NFIB: variants seen among roughly 807,000 people sequenced by gnomAD.
NFIB encodes the protein nuclear factor 1 B-type.
In NFIB, 11 loss-of-function variants were observed where a neutral mutation model predicts 61.5. The observed-to-expected ratio is 0.18, with a 90% confidence interval of 0.11 to 0.30. NFIB has a LOEUF of 0.30. Ranked by LOEUF, NFIB falls within the 10% of genes least tolerant of loss-of-function variation. The pLI is 1.00. For synonymous variants in NFIB, 260 were observed against 216.5 expected, an observed-to-expected ratio of 1.20 and a Z score of -1.76; for missense variants, 471 against 608.9, an observed-to-expected ratio of 0.77 and a Z score of 2.38.
the NFIB span, among the ~76,000 whole-genome samples, chr9:14,442,510 C>G: frequency 6.6e-6 from 1 of 152,130 alleles, no homozygotes; most frequent in Admixed American, 6.5e-5. Context: ...GATCGCCTCA[C>G]AGTTCTAGAG....
chr9:14,382,532 C>T (rs1480598724), intron 1 of NFIB, among the ~76,000 whole-genome samples: 1 of 151,914 alleles, frequency 6.6e-6, no homozygotes, highest in African/African-American at 2.4e-5. Flanking sequence ...GACATGCAGC[C>T]TGGCTCAATA....
At chr9:14,104,651 G>A (rs1000407725) in intron 10 of NFIB, among the ~76,000 whole-genome samples, 1 of 151,650 alleles carries the variant, frequency 6.6e-6, no homozygotes, top group Non-Finnish European at 1.5e-5. Context: ...TACGATCATG[G>A]TTCACTGCAG....
At chr9:14,363,200 C>T (rs7871482) in intron 1 of NFIB, among the ~76,000 whole-genome samples, 41,155 of 151,884 alleles carry the variant, frequency 0.27, 6,610 homozygotes, top group African/African-American at 0.45. Flanking sequence ...TTGTCTTTTA[C>T]GGACACTCCC....
chr9:14,285,250 G>C (rs904700388), intron 2 of NFIB, among the ~76,000 whole-genome samples: 2 of 152,136 alleles, frequency 1.3e-5, no homozygotes, highest in African/African-American at 4.8e-5. Flanking sequence ...AGCCTCCTGA[G>C]TAGCTGGGAT....
intron 1 of NFIB, among the ~76,000 whole-genome samples, chr9:14,373,429 T>C (rs1392825443): frequency 1.3e-5 from 2 of 152,258 alleles, no homozygotes; most frequent in African/African-American, 2.4e-5. Context: ...GGTATATTTA[T>C]GATTTACATC....
At chr9:14,400,553 G>A (rs990094030), upstream of NFIB, among the ~76,000 whole-genome samples, 1 of 152,122 alleles carries the variant, frequency 6.6e-6, no homozygotes, top group Non-Finnish European at 1.5e-5. Flanking sequence ...CTCAAGTTAA[G>A]CCACCAGCTA....
intron 2 of NFIB, among the ~76,000 whole-genome samples, chr9:14,220,845 A>ACCCACCCCCCCC (rs1554677585): frequency 3.1e-5 from 3 of 97,186 alleles, no homozygotes; most frequent in South Asian, 5.2e-4. Context: ...ATCTCCCTAC[A>ACCCACCCCCCCC]CACACACACA....
chr9:14,529,944 ACTTCT>A, the NFIB span, among the ~76,000 whole-genome samples: 1 of 152,304 alleles, frequency 6.6e-6, no homozygotes, highest in East Asian at 1.9e-4. Flanking sequence ...TTCACAGCCT[ACTTCT>A]CTTGAGAAGC....
At chr9:14,249,240 T>G (rs1224826380) in intron 2 of NFIB, among the ~76,000 whole-genome samples, 1 of 152,194 alleles carries the variant, frequency 6.6e-6, no homozygotes, top group Non-Finnish European at 1.5e-5. Context: ...TATTATTATC[T>G]CTGCTTTACT....
chr9:14,413,002 A>C, the NFIB span, among the ~76,000 whole-genome samples: 4 of 152,208 alleles, frequency 2.6e-5, no homozygotes, highest in Admixed American at 6.5e-5. Context: ...CCTTCCCTCA[A>C]ATCACACCTC....
intron 3 of NFIB, among the ~76,000 whole-genome samples, chr9:14,174,873 G>A (rs1039828488): frequency 6.6e-6 from 1 of 151,712 alleles, no homozygotes; most frequent in Non-Finnish European, 1.5e-5. Flanking sequence ...GATAAAACGT[G>A]GTATGAGGTC....
At chr9:14,199,256 G>A (rs1397993259) in intron 2 of NFIB, among the ~76,000 whole-genome samples, 1 of 152,224 alleles carries the variant, frequency 6.6e-6, no homozygotes, top group Non-Finnish European at 1.5e-5. Flanking sequence ...TGGAAGGCAA[G>A]GCCAGGACAC....
At chr9:14,233,222 T>C (rs1454093680) in intron 2 of NFIB, among the ~76,000 whole-genome samples, 1 of 152,198 alleles carries the variant, frequency 6.6e-6, no homozygotes, top group East Asian at 1.9e-4. Flanking sequence ...AATATTGCCT[T>C]AAATATTTTA....
At chr9:14,137,071 C>CA (rs2041136725) in intron 6 of NFIB, among the ~76,000 whole-genome samples, 1 of 152,028 alleles carries the variant, frequency 6.6e-6, no homozygotes, top group Non-Finnish European at 1.5e-5. Context: ...AGTAATGGAC[C>CA]AATTACATTT....
intron 2 of NFIB, among the ~76,000 whole-genome samples, chr9:14,295,437 T>C (rs1164070436): frequency 6.6e-6 from 1 of 151,832 alleles, no homozygotes; most frequent in South Asian, 2.1e-4. Flanking sequence ...TCATCCTGGC[T>C]AACACTGTGA....
chr9:14,088,150 T>C lies in NFIB; in HGVS notation c.*159A>G. 2.1e-6 allele frequency: 3 copies of C among 1,409,690 alleles called. No individual in the cohort carries two copies. Among genetic ancestry groups the C allele is most frequent in the African/African-American group, 1.5e-5 (1 of 68,594 alleles). 87.3% of individuals were successfully genotyped at this position (1,409,690 alleles called of 1,614,324 possible). A position where few individuals can be genotyped will look rare whatever the true frequency, so the allele number is the denominator to read the frequency against. ...CAGTCTTCCTCTTTTCCTTTTTTTT[T>C]ATTTAAAAAAAAAATTTCTTAAACT... On this transcript the variant is annotated 3_prime_UTR_variant, in exon 11 of 11. Coordinates refer to ENST00000380953, the MANE Select transcript of NFIB (RefSeq NM_001190737.2).
chr9:14,449,178 G>C, the NFIB span, among the ~76,000 whole-genome samples: 136 of 152,302 alleles, frequency 8.9e-4, no homozygotes, highest in African/African-American at 2.9e-3. Flanking sequence ...AATGGCATCA[G>C]AAAGTTGCTT....
chr9:14,524,033 A>G, the NFIB span, among the ~76,000 whole-genome samples: 1 of 152,150 alleles, frequency 6.6e-6, no homozygotes, highest in Non-Finnish European at 1.5e-5. Flanking sequence ...ATCAACCCAG[A>G]ACTTGAGTGC....
intron 2 of NFIB, chr9:14,306,140 G>C (rs2060004702): frequency 2.8e-6 from 1 of 351,034 alleles, no homozygotes. Flanking sequence ...CTCCTTCTCA[G>C]GTATTTTAAA....
Sources: gnomAD v4.1 joint callset for allele counts (sites outside exome capture counted in the v4.1 genomes callset) on GRCh38, gnomAD v4.1.1 for gene constraint, MANE v1.5 for transcripts, NCBI Gene and HGNC (gene_info 2026-07-23, HGNC 2026-07-21) for gene names.